Variants in CTNND2 observed in about 807,000 individuals in gnomAD.
The protein encoded by CTNND2 is catenin delta 2.
A neutral mutation model predicts 144.4 loss-of-function variants in CTNND2; 22 were observed. The observed-to-expected ratio is 0.15, with a 90% CI of 0.11 to 0.22. The LOEUF (loss-of-function observed/expected upper bound fraction) is 0.22, where lower values mean the gene tolerates loss of function less well. Ranked by LOEUF, CTNND2 falls within the 10% of genes least tolerant of loss-of-function variation. CTNND2 has a pLI of 1.00. For missense variants in CTNND2, 1,353 were observed against 1,618.8 expected (o/e 0.84, Z 2.82); for synonymous variants, 751 against 695.6 (o/e 1.08, Z -1.25).
At chr5:11,653,327 G>T (rs1184748969) in intron 2 of CTNND2, among the ~76,000 whole-genome samples, 1 of 151,984 alleles carries the variant, frequency 6.6e-6, no homozygotes, top group Non-Finnish European at 1.5e-5. Context: ...AAAATGCCAT[G>T]CCCTAATGTC....
At chr5:11,699,060 C>A (rs1437919111) in intron 2 of CTNND2, among the ~76,000 whole-genome samples, 1 of 151,396 alleles carries the variant, frequency 6.6e-6, no homozygotes, top group Admixed American at 6.6e-5. Context: ...CCCCCACACA[C>A]ACATAGTTAG....
At chr5:11,012,568 C>A (rs898607587) in intron 18 of CTNND2, among the ~76,000 whole-genome samples, 1 of 152,178 alleles carries the variant, frequency 6.6e-6, no homozygotes, top group African/African-American at 2.4e-5. Context: ...CGGAGGGCTA[C>A]TCATGGTGTT....
intron 2 of CTNND2, among the ~76,000 whole-genome samples, chr5:11,566,967 G>A (rs1041249669): frequency 2.0e-5 from 3 of 152,094 alleles, no homozygotes; most frequent in Non-Finnish European, 2.9e-5. Context: ...TTATTATGGT[G>A]CAGTTCTTTG....
chr5:11,059,963 G>A (rs1443340597), intron 16 of CTNND2, among the ~76,000 whole-genome samples: 1 of 151,916 alleles, frequency 6.6e-6, no homozygotes, highest in Non-Finnish European at 1.5e-5. Flanking sequence ...TGAAGAAAAA[G>A]GAAGAAGTAA....
intron 2 of CTNND2, among the ~76,000 whole-genome samples, chr5:11,610,113 T>G (rs1372346693): frequency 6.6e-6 from 1 of 152,174 alleles, no homozygotes; most frequent in Admixed American, 6.5e-5. Flanking sequence ...TAGCTCCCCA[T>G]ACACTGAGTT....
intron 1 of CTNND2, among the ~76,000 whole-genome samples, chr5:11,758,278 G>C (rs973817481): frequency 1.3e-5 from 2 of 151,728 alleles, no homozygotes; most frequent in Non-Finnish European, 2.9e-5. Context: ...ATGATGTTTT[G>C]ATATATATTT....
intron 2 of CTNND2, among the ~76,000 whole-genome samples, chr5:11,716,154 C>A (rs1233954343): frequency 6.6e-6 from 1 of 152,204 alleles, no homozygotes; most frequent in Non-Finnish European, 1.5e-5. Flanking sequence ...TTGACAGCCA[C>A]TCATAAGGGG....
chr5:11,400,436 C>T (rs943110368), intron 5 of CTNND2, among the ~76,000 whole-genome samples: 4 of 152,160 alleles, frequency 2.6e-5, no homozygotes, highest in Non-Finnish European at 5.9e-5. Context: ...GTCACAGTGA[C>T]TTCTTTGACC....
chr5:11,002,419 A>G (rs981997240), intron 18 of CTNND2, among the ~76,000 whole-genome samples: 1 of 152,248 alleles, frequency 6.6e-6, no homozygotes, highest in Non-Finnish European at 1.5e-5. Flanking sequence ...CTTCTGCTGA[A>G]TCACAGAAAG....
At chr5:11,656,815 T>C (rs1241029594) in intron 2 of CTNND2, among the ~76,000 whole-genome samples, 1 of 152,150 alleles carries the variant, frequency 6.6e-6, no homozygotes, top group Non-Finnish European at 1.5e-5. Flanking sequence ...TCAATTTTAA[T>C]GGTTCTGAAA....
intron 1 of CTNND2, among the ~76,000 whole-genome samples, chr5:11,794,370 A>G (rs7715207): frequency 0.096 from 14,565 of 152,252 alleles, 1,895 homozygotes; most frequent in African/African-American, 0.29. Flanking sequence ...CGTGAAACAC[A>G]ATAGCTACTG....
At chr5:11,456,631 C>A (rs1007029958) in intron 3 of CTNND2, among the ~76,000 whole-genome samples, 3 of 152,064 alleles carry the variant, frequency 2.0e-5, no homozygotes, top group African/African-American at 7.2e-5. Flanking sequence ...AAAGTACATC[C>A]AGGGTGAAGG....
intron 2 of CTNND2, among the ~76,000 whole-genome samples, chr5:11,608,842 T>G (rs73054101): frequency 0.021 from 3,264 of 152,274 alleles, 73 homozygotes; most frequent in African/African-American, 0.058. Context: ...GAAATCATCA[T>G]CAGCAGCAGC....
rs550856892 is a variant in CTNND2 at position 11,144,174 on chromosome 5, G to A, written c.2159+15402C>T. On this transcript the variant is annotated intron_variant, in intron 12 of 21. Coordinates refer to ENST00000304623, the MANE Select transcript of CTNND2 (RefSeq NM_001332.4). ...GCAGATCCTTAGTCTGCCACTTGGC[G>A]GGTTAGAAAGTCATGCTGTCAGCCC... 5.3e-5 allele frequency among the ~76,000 whole-genome samples: 8 copies of A among 152,034 alleles called. No individual in the cohort carries two copies. In the South Asian group the frequency reaches 1.7e-3, roughly 32 times the overall value.
chr5:11,307,573 G>C (rs1038122772), intron 9 of CTNND2, among the ~76,000 whole-genome samples: 1 of 152,056 alleles, frequency 6.6e-6, no homozygotes, highest in Non-Finnish European at 1.5e-5. Context: ...TATTATCTCA[G>C]TATCTAAAGG....
At position 10,973,428 on chromosome 5, in the gene CTNND2, T is replaced by A; in HGVS notation, c.*25A>T. The A allele has an allele frequency of 6.5e-7, 1 of 1,544,206 alleles. No homozygotes were observed. Among genetic ancestry groups the A allele is most frequent in the Non-Finnish European group, 8.7e-7 (1 of 1,146,712 alleles). Reference sequence around the variant, plus strand: ...TGTGGTATGCATGCACATGCACTGTTCCCGGAGCGCCTGTGCCCTGCTCCT... The same window carrying A: ...TGTGGTATGCATGCACATGCACTGTACCCGGAGCGCCTGTGCCCTGCTCCT... On this transcript the variant is annotated 3_prime_UTR_variant, in exon 22 of 22. Coordinates refer to ENST00000304623, the MANE Select transcript of CTNND2 (RefSeq NM_001332.4). This position sits in a 1 kb window ranked among gnomAD's most constrained non-coding sequence, Gnocchi z 5.6.
At chr5:11,290,883 A>T (rs1334331996) in intron 9 of CTNND2, among the ~76,000 whole-genome samples, 1 of 152,200 alleles carries the variant, frequency 6.6e-6, no homozygotes, top group Non-Finnish European at 1.5e-5. Flanking sequence ...CTGAGCCCCT[A>T]AGAAGGGACA....
intron 1 of CTNND2, among the ~76,000 whole-genome samples, chr5:11,762,761 A>G (rs956659936): frequency 6.6e-6 from 1 of 152,228 alleles, no homozygotes; most frequent in Admixed American, 6.5e-5. Context: ...GTCAAACCCC[A>G]GTACTGCCTT....
At position 11,018,275 on chromosome 5, in the gene CTNND2, G is replaced by A. The variant is rs73044290; in HGVS notation, c.3000-217C>T. ...GTAATCAAGAAATATTGTGTGTTCC[G>A]ACTGCTCCACAGACTGGCCCTTCCT... On this transcript the variant is annotated intron_variant, in intron 17 of 21. Transcript: ENST00000304623. 0.057 allele frequency among the ~76,000 whole-genome samples: 8,675 copies of A among 152,068 alleles called. 527 individuals are homozygous for A. The highest frequency in any genetic ancestry group is 0.3 in the East Asian group (1,553 of 5,166).
Sources: gnomAD v4.1 joint callset for allele counts (sites outside exome capture counted in the v4.1 genomes callset) on GRCh38, gnomAD v4.1.1 for gene constraint, Gnocchi (gnomAD v3.1) non-coding constraint, MANE v1.5 for transcripts, NCBI Gene and HGNC (gene_info 2026-07-23, HGNC 2026-07-21) for gene names.